The following ACTR3B variants were observed in gnomAD, a reference collection of about 807,000 sequenced individuals.
ACTR3B encodes the protein actin related protein 3B, also known as actin-related protein 3B.
In ACTR3B, 8 loss-of-function variants were observed where a neutral mutation model predicts 59.0. That is an observed-to-expected ratio of 0.14 (90% CI 0.08 to 0.24). The LOEUF is 0.24. Ranked by LOEUF, ACTR3B falls within the 10% of genes least tolerant of loss-of-function variation. The probability of loss-of-function intolerance (pLI) is 1.00; values close to 1 mark genes in which losing one functional copy is unlikely to be tolerated. For synonymous variants in ACTR3B, 148 were observed against 197.9 expected (o/e 0.75, Z 2.12); for missense variants, 245 against 552.3 (o/e 0.44, Z 5.58).
At chr7:152,826,945 A>G (rs1423847297) in intron 9 of ACTR3B, among the ~76,000 whole-genome samples, 2 of 151,976 alleles carry the variant, frequency 1.3e-5, no homozygotes. Context: ...CGCATCTTTG[A>G]AAACTCATGC....
rs139955759 is a variant in ACTR3B at position 152,794,925 on chromosome 7, A to G, written c.101-5606A>G. On this transcript the variant is annotated intron_variant, in intron 2 of 11. Transcript: ENST00000256001. ...ACTTTAAATGTGGCAGTGAGTTGCA[A>G]TGAGAAAAGGAGGTGGGGAAAGTGA... 2.6e-5 allele frequency among the ~76,000 whole-genome samples: 4 copies of G among 152,316 alleles called. No individual in the cohort carries two copies. The East Asian group carries it at 7.7e-4, about 29-fold the overall frequency.
At chr7:152,832,779 G>C (rs988507461) in intron 9 of ACTR3B, among the ~76,000 whole-genome samples, 51 of 152,130 alleles carry the variant, frequency 3.4e-4, no homozygotes, top group African/African-American at 9.4e-4. Context: ...ATTCCTTCTC[G>C]GGGAAATGCA....
intron 4 of ACTR3B, among the ~76,000 whole-genome samples, chr7:152,810,408 GTTTTT>G (rs1165466125): frequency 7.9e-6 from 1 of 126,916 alleles, no homozygotes; most frequent in Admixed American, 8.4e-5. Context: ...CACCCAGCCT[GTTTTT>G]TTTTTTTTTT....
chr7:152,823,275 A>T (rs1156809539), intron 7 of ACTR3B, 67 bp from the exon 8 acceptor site: 1 of 1,583,460 alleles, frequency 6.3e-7, no homozygotes, highest in Non-Finnish European at 8.6e-7. Flanking sequence ...CTTCCTGGTT[A>T]TTTGTCTGAG....
rs1439836495 is a variant in ACTR3B, at chr7:152,826,318, CTT to C, written c.951+1197_951+1198del. Among the ~76,000 whole-genome samples the C allele has an allele frequency of 8.6e-5, 13 of 151,988 alleles. 1 individual carries two copies. Among genetic ancestry groups the C allele is most frequent in the Admixed American group, 5.9e-4 (9 of 15,266 alleles). On this transcript the variant is annotated intron_variant, in intron 9 of 11. Coordinates refer to ENST00000256001, the MANE Select transcript of ACTR3B (RefSeq NM_020445.6). ...TTTTTTGAATTATGTATGCTAAACT[CTT>C]AAAGTAAATAAAATATCTTTGGGGT...
At chr7:152,762,704 G>A (rs2098093683) in intron 1 of ACTR3B, among the ~76,000 whole-genome samples, 1 of 152,090 alleles carries the variant, frequency 6.6e-6, no homozygotes, top group South Asian at 2.1e-4. Flanking sequence ...CCCCATCAGC[G>A]GCATACATTG....
chr7:152,800,082 A>T (rs1177362816), intron 2 of ACTR3B, among the ~76,000 whole-genome samples: 13 of 152,236 alleles, frequency 8.5e-5, no homozygotes, highest in Non-Finnish European at 1.6e-4. Flanking sequence ...TAACAAGACT[A>T]AAAGTACATT....
At chr7:152,797,356 C>T (rs541389069) in intron 2 of ACTR3B, among the ~76,000 whole-genome samples, 24 of 152,236 alleles carry the variant, frequency 1.6e-4, no homozygotes, top group East Asian at 7.7e-4. Context: ...TCTGGGATTA[C>T]GTGCATGAGC....
chr7:152,843,667 A>G (rs1195627485), intron 9 of ACTR3B, among the ~76,000 whole-genome samples: 1 of 152,270 alleles, frequency 6.6e-6, no homozygotes, highest in Non-Finnish European at 1.5e-5. Context: ...AGACATGACA[A>G]GTAATTGCAC....
At chr7:152,780,614 T>G (rs1418625354) in intron 1 of ACTR3B, among the ~76,000 whole-genome samples, 2 of 151,836 alleles carry the variant, frequency 1.3e-5, no homozygotes, top group Non-Finnish European at 2.9e-5. Flanking sequence ...GTCTGACCTT[T>G]TCCTGCTGTG....
intron 4 of ACTR3B, among the ~76,000 whole-genome samples, chr7:152,809,524 G>A (rs2098262793): frequency 6.6e-6 from 1 of 151,654 alleles, no homozygotes; most frequent in Admixed American, 6.6e-5. Context: ...GCACACACTT[G>A]TTTTTGTTTT....
rs1374436759 is a variant in ACTR3B, at chr7:152,854,281, G to A, written c.1162-177G>A. On this transcript the variant is annotated intron_variant, in intron 11 of 11. Transcript: ENST00000256001. This position sits in a 1 kb window ranked among gnomAD's most constrained non-coding sequence, Gnocchi z 4.9. ...TACAGGCTGATGAAATTTCTAAAAAGTGAAATAACTCCCCATTTAGTAGTT... is the reference window on the plus strand; with the variant it reads ...TACAGGCTGATGAAATTTCTAAAAAATGAAATAACTCCCCATTTAGTAGTT... Among the ~76,000 whole-genome samples, 1 of 152,186 alleles carries A rather than the reference G, an allele frequency of 6.6e-6. No individual in the cohort carries two copies. Among genetic ancestry groups the A allele is most frequent in the Non-Finnish European group, 1.5e-5 (1 of 68,044 alleles).
At chr7:152,798,055 A>AGT (rs2098223367) in intron 2 of ACTR3B, among the ~76,000 whole-genome samples, 1 of 152,134 alleles carries the variant, frequency 6.6e-6, no homozygotes, top group South Asian at 2.1e-4. Flanking sequence ...TATGCCCAGT[A>AGT]GTGGGATTGT....
At chr7:152,806,775 C>T (rs1320483846) in intron 4 of ACTR3B, among the ~76,000 whole-genome samples, 2 of 152,242 alleles carry the variant, frequency 1.3e-5, no homozygotes, top group African/African-American at 4.8e-5. Flanking sequence ...TTAGTCATCC[C>T]TGTCCACAAG....
chr7:152,773,425 A>G (rs1164803676), intron 1 of ACTR3B, among the ~76,000 whole-genome samples: 3 of 152,128 alleles, frequency 2.0e-5, no homozygotes, highest in African/African-American at 2.4e-5. Context: ...CGTCTCTACT[A>G]AAAATACAAA....
At chr7:152,804,398 GGTGACGAGAGCGGGGGAGT>G (rs1158889714) in intron 4 of ACTR3B, among the ~76,000 whole-genome samples, 1 of 152,288 alleles carries the variant, frequency 6.6e-6, no homozygotes, top group East Asian at 1.9e-4. Flanking sequence ...ACTTGGTTAG[GGTGACGAGAGCGGGGGAGT>G]GTGGAGAGAG....
At chr7:152,772,920 G>C (rs1363150825) in intron 1 of ACTR3B, among the ~76,000 whole-genome samples, 3 of 151,628 alleles carry the variant, frequency 2.0e-5, no homozygotes, top group Non-Finnish European at 4.4e-5. Flanking sequence ...GTTTGGGCTG[G>C]GGAGTGGGAG....
At chr7:152,815,901 C>A (rs2116829125) in intron 5 of ACTR3B, among the ~76,000 whole-genome samples, 1 of 151,622 alleles carries the variant, frequency 6.6e-6, no homozygotes, top group African/African-American at 2.4e-5. Flanking sequence ...AATGAAATAT[C>A]TTTTTCACTG....
At chr7:152,826,856 GGCGAAAGGC>G (rs1378986197) in intron 9 of ACTR3B, among the ~76,000 whole-genome samples, 6 of 150,130 alleles carry the variant, frequency 4.0e-5, no homozygotes, top group African/African-American at 1.5e-4. Context: ...GGGAAAAGGT[GGCGAAAGGC>G]GCCTGGGTTA....
Sources: allele counts gnomAD v4.1 joint callset (sites outside exome capture counted in the v4.1 genomes callset), GRCh38; gene constraint gnomAD v4.1.1; non-coding constraint Gnocchi (gnomAD v3.1); transcripts MANE v1.5; gene names NCBI Gene and HGNC (gene_info 2026-07-23, HGNC 2026-07-21).